Variants in GMEB2 observed in about 807,000 individuals in gnomAD.
GMEB2 encodes the protein glucocorticoid modulatory element-binding protein 2.
Under a neutral mutation model 45.7 loss-of-function variants are expected in GMEB2, and 7 were observed. That is an observed-to-expected ratio of 0.15 (90% CI 0.09 to 0.29). The LOEUF (loss-of-function observed/expected upper bound fraction) is 0.29, where lower values mean the gene tolerates loss of function less well. Ranked by LOEUF, GMEB2 falls within the 10% of genes least tolerant of loss-of-function variation. The pLI, the probability that GMEB2 is intolerant of heterozygous loss-of-function variation, is 1.00. For missense variants in GMEB2, 582 were observed against 739.2 expected (o/e 0.79, Z 2.47); for synonymous variants, 322 against 323.6 (o/e 1.00, Z 0.05).
In GMEB2 at chr20:63,589,270, C is replaced by T. The variant is rs1309582255; in HGVS notation, c.*819G>A. Reference sequence around the variant, plus strand: ...CTCCGCACCCGGTCAAGTGCACTCACAGGGGCTCAGGGGCCACCCAAAGAG... The same window carrying T: ...CTCCGCACCCGGTCAAGTGCACTCATAGGGGCTCAGGGGCCACCCAAAGAG... On this transcript the variant is annotated 3_prime_UTR_variant, in exon 10 of 10. Coordinates refer to ENST00000370077, the MANE Select transcript of GMEB2 (RefSeq NM_012384.5). The T allele has an allele frequency of 2.5e-6, 1 of 398,512 alleles. No individual in the cohort carries two copies. Among genetic ancestry groups the T allele is most frequent in the African/African-American group, 2.1e-5 (1 of 48,636 alleles). 24.7% of individuals were successfully genotyped at this position (398,512 alleles called of 1,614,324 possible). A position where few individuals can be genotyped will look rare whatever the true frequency, so the allele number is the denominator to read the frequency against.
chr20:63,610,260 A>G (rs944427799), intron 2 of GMEB2, among the ~76,000 whole-genome samples: 3 of 152,190 alleles, frequency 2.0e-5, no homozygotes, highest in Non-Finnish European at 4.4e-5. Flanking sequence ...GGTGGCTCAC[A>G]CCTGTAATCC....
At chr20:63,597,147 T>C (rs1307847409) in intron 5 of GMEB2, among the ~76,000 whole-genome samples, 1 of 148,808 alleles carries the variant, frequency 6.7e-6, no homozygotes, top group Non-Finnish European at 1.5e-5. Context: ...GACCCTTTTC[T>C]TTTCCTTTTT....
At chr20:63,625,542 T>C (rs933943387) in intron 1 of GMEB2, among the ~76,000 whole-genome samples, 4 of 152,000 alleles carry the variant, frequency 2.6e-5, no homozygotes, top group African/African-American at 7.2e-5. Context: ...GGTTCCCCAC[T>C]AGTGTGAAGT....
chr20:63,617,527 T>A (rs2089617200), intron 2 of GMEB2, among the ~76,000 whole-genome samples: 1 of 152,014 alleles, frequency 6.6e-6, no homozygotes, highest in South Asian at 2.1e-4. Context: ...TCAGACCAGA[T>A]CAGGAAGAAA....
At chr20:63,622,995 G>A (rs577563852) in intron 1 of GMEB2, among the ~76,000 whole-genome samples, 1 of 152,258 alleles carries the variant, frequency 6.6e-6, no homozygotes, top group South Asian at 2.1e-4. Flanking sequence ...GCAGCGCCCA[G>A]AGCCCAGAGA....
Position 63,622,712 on chromosome 20 carries a change from C to T in GMEB2, c.-57-3258G>A, listed in dbSNP as rs138249804. Reference sequence around the variant, plus strand: ...CTACGATTTCCTGGGCCACCAATCGCAAATGGCAGCCAGTCTCTGAAGTAA... The same window carrying T: ...CTACGATTTCCTGGGCCACCAATCGTAAATGGCAGCCAGTCTCTGAAGTAA... On this transcript the variant is annotated intron_variant, in intron 1 of 9. Transcript: ENST00000370077. Among the ~76,000 whole-genome samples, 26 of 152,324 alleles carry T rather than the reference C, an allele frequency of 1.7e-4. No homozygotes were observed. The East Asian group carries it at 5.0e-3, about 29-fold the overall frequency.
chr20:63,621,169 T>C (rs2089640283), intron 1 of GMEB2, among the ~76,000 whole-genome samples: 1 of 151,882 alleles, frequency 6.6e-6, no homozygotes, highest in African/African-American at 2.4e-5. Flanking sequence ...CGCACTCCAG[T>C]CTGGGCAACA....
At chr20:63,600,460 G>C (rs1335865332) in intron 4 of GMEB2, among the ~76,000 whole-genome samples, 3 of 150,416 alleles carry the variant, frequency 2.0e-5, no homozygotes, top group Non-Finnish European at 4.4e-5. Context: ...GCTCACGCCT[G>C]TAATCCCAGC....
intron 2 of GMEB2, among the ~76,000 whole-genome samples, chr20:63,606,791 G>C (rs972316695): frequency 1.3e-5 from 2 of 152,178 alleles, no homozygotes; most frequent in Admixed American, 6.5e-5. Flanking sequence ...ACAGGGAAAC[G>C]CAAAGGCCCC....
chr20:63,619,072 G>A lies in GMEB2; in HGVS notation c.131+195C>T, dbSNP rs1227642963. Among the ~76,000 whole-genome samples, 1 of 152,216 alleles carries A rather than the reference G, an allele frequency of 6.6e-6. No individual in the cohort carries two copies. Among genetic ancestry groups the A allele is most frequent in the Non-Finnish European group, 1.5e-5 (1 of 68,042 alleles). On this transcript the variant is annotated intron_variant, in intron 2 of 9. Transcript: ENST00000370077. This position sits in a 1 kb window ranked among gnomAD's most constrained non-coding sequence, Gnocchi z 4.6. ...TACGGGAGGCCTCCCCGCAGCTGCA[G>A]CTGGGTCTTCTGGTCCCCGTGCCAT... is the stretch of plus-strand genomic sequence containing the variant.
At chr20:63,591,194 GCACA>G (rs1001520186) in intron 9 of GMEB2, among the ~76,000 whole-genome samples, 5 of 149,548 alleles carry the variant, frequency 3.3e-5, no homozygotes, top group Admixed American at 6.7e-5. Flanking sequence ...CATGCAGAGT[GCACA>G]CACACAATGA....
chr20:63,593,109 A>T lies in GMEB2; in HGVS notation c.620-27T>A. 1 of 1,496,152 alleles carries T rather than the reference A, an allele frequency of 6.7e-7. No individual in the cohort carries two copies. The highest frequency in any genetic ancestry group is 9.3e-7 in the Non-Finnish European group (1 of 1,077,322). 92.7% of individuals were successfully genotyped at this position (1,496,152 alleles called of 1,614,324 possible). A position where few individuals can be genotyped will look rare whatever the true frequency, so the allele number is the denominator to read the frequency against. On this transcript the variant is annotated intron_variant, in intron 6 of 9. Transcript: ENST00000370077. This position sits in a 1 kb window ranked among gnomAD's most constrained non-coding sequence, Gnocchi z 4.7. ...TGCAGCCGAAAGGGAACCTCGGGTG[A>T]GTGCTGTTTGGACCACAGTCCCACA...
chr20:63,600,136 G>A (rs1264788351), intron 4 of GMEB2, among the ~76,000 whole-genome samples: 2 of 151,752 alleles, frequency 1.3e-5, no homozygotes. Flanking sequence ...TCCGCCTCCC[G>A]GGTTCAAGAG....
intron 1 of GMEB2, among the ~76,000 whole-genome samples, chr20:63,623,107 C>T (rs1200344673): frequency 6.6e-6 from 1 of 152,192 alleles, no homozygotes; most frequent in East Asian, 1.9e-4. Flanking sequence ...AAATATTCCC[C>T]GTTTCCTGTT....
At chr20:63,616,894 A>G (rs1396262855) in intron 2 of GMEB2, among the ~76,000 whole-genome samples, 1 of 152,124 alleles carries the variant, frequency 6.6e-6, no homozygotes, top group Non-Finnish European at 1.5e-5. Flanking sequence ...GTGTGACTGT[A>G]TTTAAAGATG....
chr20:63,599,902 T>G (rs1043140944), intron 4 of GMEB2, among the ~76,000 whole-genome samples: 1 of 152,104 alleles, frequency 6.6e-6, no homozygotes, highest in Non-Finnish European at 1.5e-5. Context: ...TCAACACTTG[T>G]GTATATTTCC....
chr20:63,625,548 G>T (rs1310790420), intron 1 of GMEB2, among the ~76,000 whole-genome samples: 1 of 151,928 alleles, frequency 6.6e-6, no homozygotes, highest in Non-Finnish European at 1.5e-5. Context: ...CCACTAGTGT[G>T]AAGTGAGTTT....
chr20:63,617,951 T>C (rs1329195998), intron 2 of GMEB2, among the ~76,000 whole-genome samples: 1 of 151,684 alleles, frequency 6.6e-6, no homozygotes, highest in East Asian at 2.0e-4. Flanking sequence ...ATGAGAAAGC[T>C]ACGTGGACTT....
chr20:63,615,486 C>A (rs1280450288), intron 2 of GMEB2, among the ~76,000 whole-genome samples: 1 of 151,968 alleles, frequency 6.6e-6, no homozygotes, highest in Non-Finnish European at 1.5e-5. Context: ...GCCACCACAC[C>A]CAAATAATTT....
Sources: allele counts gnomAD v4.1 joint callset (sites outside exome capture counted in the v4.1 genomes callset), GRCh38; gene constraint gnomAD v4.1.1; non-coding constraint Gnocchi (gnomAD v3.1); transcripts MANE v1.5; gene names NCBI Gene and HGNC (gene_info 2026-07-23, HGNC 2026-07-21).